The following PIGU variants were observed in gnomAD, a reference collection of about 807,000 sequenced individuals.
The protein encoded by PIGU is phosphatidylinositol glycan anchor biosynthesis class U.
In PIGU, 24 loss-of-function variants were observed where a neutral mutation model predicts 49.9. That is an observed-to-expected ratio of 0.48 (90% CI 0.35 to 0.68). The LOEUF is 0.68. PIGU is among the 30% of genes least tolerant of loss of function. PIGU has a pLI of 0.01. For synonymous variants in PIGU, 220 were observed against 205.7 expected, an observed-to-expected ratio of 1.07 and a Z score of -0.59; for missense variants, 490 against 532.6, an observed-to-expected ratio of 0.92 and a Z score of 0.79.
chr20:34,571,891 G>A (rs1983027953), intron 11 of PIGU, among the ~76,000 whole-genome samples: 1 of 152,208 alleles, frequency 6.6e-6, no homozygotes, highest in Non-Finnish European at 1.5e-5. Flanking sequence ...TCGAGTGACT[G>A]CCTCAGTGAG....
rs375918765 is a variant in PIGU at position 34,560,836 on chromosome 20, G to A, written c.*30C>T. 8 of 1,496,788 alleles carry A rather than the reference G, an allele frequency of 5.3e-6. No homozygotes were observed. In the African/African-American group the frequency reaches 9.8e-5, roughly 18 times the overall value. 92.7% of individuals were successfully genotyped at this position (1,496,788 alleles called of 1,614,324 possible). On this transcript the variant is annotated 3_prime_UTR_variant, in exon 12 of 12. Transcript: ENST00000217446. ...CCAGCTTCTGGCCCCACAGCCCCCT[G>A]AGGTCCATGCAGCCCTGTGCCAGCC...
At chr20:34,601,041 G>GAA (rs11167240) in intron 7 of PIGU, among the ~76,000 whole-genome samples, 73 of 138,194 alleles carry the variant, frequency 5.3e-4, no homozygotes, top group African/African-American at 8.8e-4. Flanking sequence ...TCTCAAAAAA[G>GAA]AAAAAAAAAA....
intron 11 of PIGU, among the ~76,000 whole-genome samples, chr20:34,563,807 G>A (rs541945415): frequency 6.6e-6 from 1 of 152,252 alleles, no homozygotes; most frequent in East Asian, 1.9e-4. Flanking sequence ...ACTTTACAGT[G>A]GAGAGACCTG....
intron 4 of PIGU, 53 bp downstream of exon 4, chr20:34,644,111 G>A: frequency 2.1e-6 from 3 of 1,455,474 alleles, no homozygotes; most frequent in African/African-American, 1.4e-5. Flanking sequence ...TAATAACAAA[G>A]ACCAGAAGGT....
At chr20:34,643,905 C>T (rs958893108) in intron 4 of PIGU, 1 of 231,996 alleles carries the variant, frequency 4.3e-6, no homozygotes, top group Non-Finnish European at 8.6e-6. Flanking sequence ...CTCCAGAAGT[C>T]TGAACTTGCA....
chr20:34,575,845 G>A (rs1983209068), intron 10 of PIGU, among the ~76,000 whole-genome samples: 1 of 152,166 alleles, frequency 6.6e-6, no homozygotes. Flanking sequence ...TTGCCTCTAA[G>A]GGAATGCCGA....
intron 4 of PIGU, among the ~76,000 whole-genome samples, chr20:34,642,108 T>C (rs1049416703): frequency 6.6e-6 from 1 of 152,210 alleles, no homozygotes; most frequent in Admixed American, 6.5e-5. Flanking sequence ...TTATTGGTGC[T>C]CTAAATTAAA....
chr20:34,578,366 G>A (rs1983321760), intron 10 of PIGU, among the ~76,000 whole-genome samples: 1 of 152,142 alleles, frequency 6.6e-6, no homozygotes, highest in Non-Finnish European at 1.5e-5. Context: ...CCTCAAGAAG[G>A]AGAACAAATG....
chr20:34,560,896 A>C lies in PIGU; in HGVS notation c.1278T>G (p.Asp426Glu). ...TGAGCACGAGCATGGCCTCTGTGCC[A>C]TCCTTGGCGGTCAAGTAGAGGCCAT... ...LTHGLYLTAK[D>E]GTEAMLVLK is the part of the protein sequence containing the mutation. Residue 426 changes from aspartate (D) to glutamate (E), a missense_variant, in exon 12 of 12, where the codon GAT (aspartate) becomes GAG (glutamate). Coordinates refer to ENST00000217446, the MANE Select transcript of PIGU (RefSeq NM_080476.5). The C allele has an allele frequency of 1.9e-6, 3 of 1,612,296 alleles. No homozygotes were observed. The South Asian group carries it at 3.3e-5, about 18-fold the overall frequency.
At chr20:34,561,062 G>C (rs1200569551) in intron 11 of PIGU, 83 bp from the exon 12 acceptor site, 1 of 925,450 alleles carries the variant, frequency 1.1e-6, no homozygotes, top group African/African-American at 1.7e-5. Flanking sequence ...AGGTGTTGTT[G>C]GAAGACAGGA....
At chr20:34,576,010 T>C (rs1341047826) in intron 10 of PIGU, among the ~76,000 whole-genome samples, 3 of 152,188 alleles carry the variant, frequency 2.0e-5, no homozygotes, top group Non-Finnish European at 4.4e-5. Flanking sequence ...CTGCATTTAT[T>C]AGCAAGTTTC....
intron 4 of PIGU, 149 bp downstream of exon 4, chr20:34,644,015 T>C: frequency 6.1e-6 from 4 of 654,854 alleles, no homozygotes; most frequent in Non-Finnish European, 1.1e-5. Flanking sequence ...GGGTTGATCA[T>C]TCCAGAGCTG....
chr20:34,591,277 A>G lies in PIGU; in HGVS notation c.628-2670T>C, dbSNP rs182492529. 4.6e-5 allele frequency among the ~76,000 whole-genome samples: 7 copies of G among 152,320 alleles called. No individual in the cohort carries two copies. In the East Asian group the frequency reaches 1.3e-3, roughly 29 times the overall value. On this transcript the variant is annotated intron_variant, in intron 7 of 11. Transcript: ENST00000217446. Reference sequence around the variant, plus strand: ...AACTAATAACAGTCTCAAAATATATAAAACAAAAGTGGATTAAGCTACAAA... The same window carrying G: ...AACTAATAACAGTCTCAAAATATATGAAACAAAAGTGGATTAAGCTACAAA...
intron 7 of PIGU, among the ~76,000 whole-genome samples, chr20:34,610,534 C>T (rs1336997956): frequency 2.0e-5 from 3 of 152,066 alleles, no homozygotes; most frequent in Non-Finnish European, 4.4e-5. Context: ...GACTGCAAAC[C>T]ACTGCTCAAG....
intron 9 of PIGU, among the ~76,000 whole-genome samples, chr20:34,583,942 T>C (rs968420220): frequency 2.0e-5 from 3 of 152,214 alleles, no homozygotes; most frequent in African/African-American, 7.2e-5. Context: ...AATCAAACTC[T>C]TTCAGGTTCC....
intron 7 of PIGU, among the ~76,000 whole-genome samples, chr20:34,605,054 C>T (rs1475727416): frequency 6.6e-6 from 1 of 152,184 alleles, no homozygotes; most frequent in Non-Finnish European, 1.5e-5. Context: ...GCTTCAGCTT[C>T]TCGGTCCTGT....
intron 1 of PIGU, among the ~76,000 whole-genome samples, chr20:34,675,179 C>A (rs1484952336): frequency 7.5e-6 from 1 of 134,014 alleles, no homozygotes; most frequent in Non-Finnish European, 1.5e-5. Flanking sequence ...ACCCAGGGGG[C>A]GGAGGTTATG....
At chr20:34,582,427 C>G (rs1983517677) in intron 9 of PIGU, among the ~76,000 whole-genome samples, 1 of 152,164 alleles carries the variant, frequency 6.6e-6, no homozygotes, top group Admixed American at 6.5e-5. Context: ...CATCTGTAAT[C>G]CTAGCACTTC....
At chr20:34,652,961 T>C (rs1568659756) in intron 2 of PIGU, among the ~76,000 whole-genome samples, 1 of 151,564 alleles carries the variant, frequency 6.6e-6, no homozygotes, top group Non-Finnish European at 1.5e-5. Flanking sequence ...AAATGACAAC[T>C]AGGTCAAGTT....
Sources: gnomAD v4.1 joint callset for allele counts (sites outside exome capture counted in the v4.1 genomes callset) on GRCh38, gnomAD v4.1.1 for gene constraint, MANE v1.5 for transcripts, NCBI Gene and HGNC (gene_info 2026-07-23, HGNC 2026-07-21) for gene names.